Variants in SNTG1 observed in about 807,000 individuals in gnomAD.
The protein encoded by SNTG1 is syntrophin gamma 1.
Under a neutral mutation model 74.7 loss-of-function variants are expected in SNTG1, and 39 were observed. The observed-to-expected ratio is 0.52, with a 90% CI of 0.40 to 0.68. The LOEUF is 0.68. Among genes scored for constraint, SNTG1 ranks in the 30% least tolerant of loss-of-function variants. The pLI, the probability that SNTG1 is intolerant of heterozygous loss-of-function variation, is 0.00. For missense variants in SNTG1, 685 were observed against 609.5 expected, an observed-to-expected ratio of 1.12 and a Z score of -1.30; for synonymous variants, 254 against 217.1, an observed-to-expected ratio of 1.17 and a Z score of -1.49.
chr8:50,261,816 A>G (rs2087207030), intron 2 of SNTG1, among the ~76,000 whole-genome samples: 1 of 152,196 alleles, frequency 6.6e-6, no homozygotes, highest in South Asian at 2.1e-4. Flanking sequence ...GAATCACATA[A>G]AACATTCAAT....
At chr8:49,968,211 C>A (rs1237059546) in intron 1 of SNTG1, among the ~76,000 whole-genome samples, 1 of 152,082 alleles carries the variant, frequency 6.6e-6, no homozygotes, top group Non-Finnish European at 1.5e-5. Context: ...AAAGCCATTG[C>A]CCACATCCTT....
intron 2 of SNTG1, among the ~76,000 whole-genome samples, chr8:50,360,657 A>G (rs185726668): frequency 1.3e-5 from 2 of 152,316 alleles, no homozygotes; most frequent in East Asian, 3.9e-4. Context: ...ATGCCTCCAC[A>G]GCACATTACT....
chr8:49,958,782 A>C (rs1323885762), intron 1 of SNTG1, among the ~76,000 whole-genome samples: 1 of 152,214 alleles, frequency 6.6e-6, no homozygotes, highest in Non-Finnish European at 1.5e-5. Context: ...CTCTTAGGCA[A>C]AAACAGTATA....
At chr8:50,274,996 A>C (rs935047170) in intron 2 of SNTG1, among the ~76,000 whole-genome samples, 1 of 152,194 alleles carries the variant, frequency 6.6e-6, no homozygotes, top group Non-Finnish European at 1.5e-5. Flanking sequence ...AAGACTTCTC[A>C]CCTATATTTA....
chr8:50,252,231 A>G (rs2086675605), intron 2 of SNTG1, among the ~76,000 whole-genome samples: 2 of 152,284 alleles, frequency 1.3e-5, no homozygotes, highest in South Asian at 4.1e-4. Flanking sequence ...AAAAGTTTAT[A>G]GCAATAAACA....
intron 9 of SNTG1, among the ~76,000 whole-genome samples, chr8:50,508,405 G>A (rs1406714636): frequency 6.6e-6 from 1 of 152,166 alleles, no homozygotes; most frequent in Non-Finnish European, 1.5e-5. Flanking sequence ...CTTTATAGCA[G>A]CATGACTTAT....
At chr8:50,125,101 G>C (rs574436079) in intron 1 of SNTG1, among the ~76,000 whole-genome samples, 1 of 142,382 alleles carries the variant, frequency 7.0e-6, no homozygotes, top group Admixed American at 7.2e-5. Context: ...TTTGGCTTTA[G>C]TCCAGAGTTC....
chr8:50,531,073 A>G (rs531196780), intron 10 of SNTG1, among the ~76,000 whole-genome samples: 4 of 152,294 alleles, frequency 2.6e-5, no homozygotes, highest in African/African-American at 4.8e-5. Flanking sequence ...TTCATCCTGC[A>G]ATTTGAAATT....
At chr8:50,500,113 A>C (rs887337771) in intron 8 of SNTG1, among the ~76,000 whole-genome samples, 17 of 151,950 alleles carry the variant, frequency 1.1e-4, no homozygotes, top group South Asian at 2.1e-4. Flanking sequence ...CAATTGGAGA[A>C]ATTTTCAGAC....
chr8:50,781,990 C>T (rs1042066192), intron 18 of SNTG1, among the ~76,000 whole-genome samples: 1 of 152,102 alleles, frequency 6.6e-6, no homozygotes, highest in South Asian at 2.1e-4. Flanking sequence ...ATATGAAATT[C>T]TGGGTTGAAC....
At chr8:50,119,665 G>A (rs203619) in intron 1 of SNTG1, among the ~76,000 whole-genome samples, 93,140 of 140,154 alleles carry the variant, frequency 0.66, 39,159 homozygotes, top group East Asian at 0.98. Context: ...CTAGCATTGA[G>A]CTAGCTAGCT....
chr8:50,136,286 G>T (rs951619463), intron 1 of SNTG1, among the ~76,000 whole-genome samples: 1 of 152,050 alleles, frequency 6.6e-6, no homozygotes. Flanking sequence ...TTGGAATGCT[G>T]GGCCAAATGG....
intron 17 of SNTG1, among the ~76,000 whole-genome samples, chr8:50,718,844 T>C (rs371546164): frequency 3.4e-4 from 52 of 152,340 alleles, no homozygotes; most frequent in African/African-American, 1.2e-3. Flanking sequence ...AATTTGTCAG[T>C]TATTTTATTT....
At chr8:50,568,718 T>A (rs78644838) in intron 12 of SNTG1, among the ~76,000 whole-genome samples, 6,433 of 152,232 alleles carry the variant, frequency 0.042, 188 homozygotes, top group Middle Eastern at 0.082. Flanking sequence ...ATATTCTGGG[T>A]ATTAACTCCT....
chr8:50,100,397 T>C (rs2080077850), intron 1 of SNTG1, among the ~76,000 whole-genome samples: 2 of 152,070 alleles, frequency 1.3e-5, no homozygotes, highest in South Asian at 4.1e-4. Flanking sequence ...ATTTATTATA[T>C]ACTTTCAAAC....
chr8:50,698,554 C>G (rs1349869297), intron 15 of SNTG1, among the ~76,000 whole-genome samples: 4 of 152,148 alleles, frequency 2.6e-5, no homozygotes, highest in Admixed American at 6.5e-5. Flanking sequence ...ATACTTGATT[C>G]TCGGTTCTGG....
At chr8:50,558,920 A>G (rs2094471709) in intron 12 of SNTG1, among the ~76,000 whole-genome samples, 1 of 152,228 alleles carries the variant, frequency 6.6e-6, no homozygotes, top group Admixed American at 6.5e-5. Context: ...TTTATTGAAT[A>G]CTTGCCTATG....
chr8:50,181,648 G>T (rs900030531), intron 2 of SNTG1, among the ~76,000 whole-genome samples: 2 of 152,132 alleles, frequency 1.3e-5, no homozygotes, highest in African/African-American at 4.8e-5. Flanking sequence ...ATATTTAAGG[G>T]ATTTCATTTT....
chr8:50,115,889 G>A (rs183127962), intron 1 of SNTG1, among the ~76,000 whole-genome samples: 15 of 151,994 alleles, frequency 9.9e-5, no homozygotes, highest in African/African-American at 3.1e-4. Flanking sequence ...CCAACCCCCA[G>A]TGGAGAGAAT....
Sources: allele counts gnomAD v4.1 joint callset (sites outside exome capture counted in the v4.1 genomes callset), GRCh38; gene constraint gnomAD v4.1.1; transcripts MANE v1.5; gene names NCBI Gene and HGNC (gene_info 2026-07-23, HGNC 2026-07-21).